Variants in KCNH8 observed in about 807,000 individuals in gnomAD.
The protein encoded by KCNH8 is potassium voltage-gated channel subfamily H member 8.
Under a neutral mutation model 103.6 loss-of-function variants are expected in KCNH8, and 70 were observed. The ratio of observed to expected loss-of-function variants is 0.68; its 90% confidence interval spans 0.56 to 0.82. The LOEUF (loss-of-function observed/expected upper bound fraction) is 0.82. KCNH8 is among the 40% of genes least tolerant of loss of function. The pLI is 0.00. For synonymous variants in KCNH8, 498 were observed against 489.4 expected (o/e 1.02, Z -0.23); for missense variants, 1,217 against 1,329.9 (o/e 0.92, Z 1.32).
chr3:19,503,852 G>A (rs538742198), intron 11 of KCNH8, among the ~76,000 whole-genome samples: 67 of 151,914 alleles, frequency 4.4e-4, no homozygotes, highest in African/African-American at 1.5e-3. Flanking sequence ...TGGGTGCAGC[G>A]CACCAGCATG....
At chr3:19,497,933 C>T (rs2068479801) in intron 11 of KCNH8, among the ~76,000 whole-genome samples, 2 of 152,150 alleles carry the variant, frequency 1.3e-5, no homozygotes, top group Non-Finnish European at 1.5e-5. Flanking sequence ...CCCTTGAAGG[C>T]ATATATATTT....
intron 11 of KCNH8, among the ~76,000 whole-genome samples, chr3:19,467,968 C>A (rs192007086): frequency 6.6e-6 from 1 of 152,212 alleles, no homozygotes; most frequent in African/African-American, 2.4e-5. Flanking sequence ...TCCCCTCCTC[C>A]CCACCTCTGC....
At chr3:19,227,747 A>G (rs1203099160) in intron 1 of KCNH8, among the ~76,000 whole-genome samples, 1 of 152,212 alleles carries the variant, frequency 6.6e-6, no homozygotes, top group African/African-American at 2.4e-5. Context: ...GCAATTGTGA[A>G]GTATAGATAA....
intron 5 of KCNH8, among the ~76,000 whole-genome samples, chr3:19,382,696 C>T (rs1479552333): frequency 2.0e-5 from 3 of 152,128 alleles, no homozygotes; most frequent in Non-Finnish European, 4.4e-5. Flanking sequence ...ATAATGACAA[C>T]ACCTACCCAG....
intron 5 of KCNH8, among the ~76,000 whole-genome samples, chr3:19,386,468 C>T (rs948891396): frequency 6.6e-6 from 1 of 152,022 alleles, no homozygotes; most frequent in Non-Finnish European, 1.5e-5. Flanking sequence ...GATACCAATA[C>T]CATGTGCCAT....
intron 1 of KCNH8, among the ~76,000 whole-genome samples, chr3:19,209,202 TG>T (rs2063745600): frequency 6.6e-6 from 1 of 152,064 alleles, no homozygotes; most frequent in Non-Finnish European, 1.5e-5. Flanking sequence ...ATCCCTTAAC[TG>T]CTTTGGCAAT....
intron 5 of KCNH8, among the ~76,000 whole-genome samples, chr3:19,381,099 A>G (rs1028958375): frequency 1.3e-5 from 2 of 152,220 alleles, no homozygotes; most frequent in African/African-American, 4.8e-5. Flanking sequence ...TATATTAGTT[A>G]TGTTTTGAGT....
chr3:19,311,104 C>T (rs1393713788), intron 3 of KCNH8, among the ~76,000 whole-genome samples: 1 of 151,664 alleles, frequency 6.6e-6, no homozygotes, highest in Non-Finnish European at 1.5e-5. Flanking sequence ...CCACAGATTG[C>T]CCTACCCAAA....
chr3:19,364,769 AC>A (rs544197089), intron 5 of KCNH8, among the ~76,000 whole-genome samples: 241 of 152,230 alleles, frequency 1.6e-3, no homozygotes, highest in Middle Eastern at 6.8e-3. Flanking sequence ...ACTTTAAAGT[AC>A]CTACTTAAGC....
At chr3:19,367,514 C>A (rs1034397354) in intron 5 of KCNH8, among the ~76,000 whole-genome samples, 1 of 147,648 alleles carries the variant, frequency 6.8e-6, no homozygotes, top group Non-Finnish European at 1.5e-5. Context: ...AGAACATGGA[C>A]CAGGCAATAC....
chr3:19,221,994 C>T lies in KCNH8; in HGVS notation c.77-31660C>T, dbSNP rs562957652. Among the ~76,000 whole-genome samples the T allele has an allele frequency of 3.3e-5, 5 of 152,228 alleles. No homozygotes were observed. In the South Asian group the frequency reaches 8.3e-4, roughly 25 times the overall value. On this transcript the variant is annotated intron_variant, in intron 1 of 15. Coordinates refer to ENST00000328405, the MANE Select transcript of KCNH8 (RefSeq NM_144633.3). ...TCCTGAGTAGCTGGGACTACAGGCA[C>T]GTGCCACCACACCAGGCTACTTTTT...
chr3:19,340,324 T>G (rs2065641349), intron 3 of KCNH8, among the ~76,000 whole-genome samples: 1 of 150,880 alleles, frequency 6.6e-6, no homozygotes. Context: ...AATTGTGACA[T>G]AGATTCAATT....
intron 1 of KCNH8, among the ~76,000 whole-genome samples, chr3:19,248,525 A>C (rs917532770): frequency 6.6e-6 from 1 of 152,192 alleles, no homozygotes; most frequent in African/African-American, 2.4e-5. Context: ...TTTTTTGGAG[A>C]CTGAAATAGG....
chr3:19,184,687 A>G (rs2063486286), intron 1 of KCNH8, among the ~76,000 whole-genome samples: 1 of 151,908 alleles, frequency 6.6e-6, no homozygotes, highest in Non-Finnish European at 1.5e-5. Flanking sequence ...AGTATTTGGT[A>G]TTTTTCAAAT....
At chr3:19,417,175 T>A (rs1299189316) in intron 7 of KCNH8, among the ~76,000 whole-genome samples, 3 of 148,576 alleles carry the variant, frequency 2.0e-5, no homozygotes, top group African/African-American at 7.3e-5. Context: ...TAATATATAT[T>A]AAATTAGATA....
intron 3 of KCNH8, among the ~76,000 whole-genome samples, chr3:19,334,506 A>G (rs1458464901): frequency 6.6e-6 from 1 of 152,124 alleles, no homozygotes; most frequent in Non-Finnish European, 1.5e-5. Flanking sequence ...TTTAATAATG[A>G]TTACATATAT....
chr3:19,219,457 C>A (rs750296029), intron 1 of KCNH8, among the ~76,000 whole-genome samples: 2 of 152,156 alleles, frequency 1.3e-5, no homozygotes, highest in Non-Finnish European at 2.9e-5. Context: ...CAAGCACCTA[C>A]AACTGAACTT....
intron 7 of KCNH8, among the ~76,000 whole-genome samples, chr3:19,420,344 A>G (rs1166867780): frequency 6.6e-6 from 1 of 152,160 alleles, no homozygotes; most frequent in Non-Finnish European, 1.5e-5. Flanking sequence ...TGCAGTCTCT[A>G]CCAAAAACCT....
chr3:19,206,014 T>C (rs879393193), intron 1 of KCNH8, among the ~76,000 whole-genome samples: 11 of 151,700 alleles, frequency 7.3e-5, no homozygotes, highest in Non-Finnish European at 1.3e-4. Flanking sequence ...TTCTTATGCC[T>C]TTGCATCCTC....
Sources: allele counts gnomAD v4.1 joint callset (sites outside exome capture counted in the v4.1 genomes callset), GRCh38; gene constraint gnomAD v4.1.1; transcripts MANE v1.5; gene names NCBI Gene and HGNC (gene_info 2026-07-23, HGNC 2026-07-21).